CAMTA1: variants seen among roughly 807,000 people sequenced by gnomAD.
CAMTA1 encodes calmodulin-binding transcription activator 1.
CAMTA1 carries 27 observed loss-of-function variants against 170.9 expected under a neutral mutation model. The observed-to-expected ratio is 0.16, with a 90% CI of 0.12 to 0.22. The LOEUF is 0.22. Ranked by LOEUF, CAMTA1 falls within the 10% of genes least tolerant of loss-of-function variation. The pLI, the probability that CAMTA1 is intolerant of heterozygous loss-of-function variation, is 1.00. For missense variants in CAMTA1, 1,619 were observed against 2,217.2 expected (o/e 0.73, Z 5.42); for synonymous variants, 833 against 891.5 (o/e 0.93, Z 1.17).
At chr1:7,410,863 T>C (rs1251727198) in intron 5 of CAMTA1, among the ~76,000 whole-genome samples, 1 of 151,132 alleles carries the variant, frequency 6.6e-6, no homozygotes, top group Non-Finnish European at 1.5e-5. Context: ...ACTAAAGGGG[T>C]TGTGGGTTCC....
chr1:7,639,439 A>G (rs779484796), intron 6 of CAMTA1, among the ~76,000 whole-genome samples: 4 of 152,290 alleles, frequency 2.6e-5, no homozygotes, highest in African/African-American at 9.6e-5. Flanking sequence ...AGGAGTTTCC[A>G]GAGATTCTGG....
chr1:7,091,934 C>G (rs76149007), intron 4 of CAMTA1, among the ~76,000 whole-genome samples: 4,306 of 152,342 alleles, frequency 0.028, 80 homozygotes, highest in African/African-American at 0.046. Context: ...GAAAATATAG[C>G]TGACCTGCGT....
At chr1:7,245,346 A>G (rs560860627) in intron 4 of CAMTA1, among the ~76,000 whole-genome samples, 1 of 151,410 alleles carries the variant, frequency 6.6e-6, no homozygotes, top group Non-Finnish European at 1.5e-5. Context: ...AATATATATT[A>G]TACAGTTTTA....
chr1:7,537,974 C>T (rs147306048), intron 6 of CAMTA1, among the ~76,000 whole-genome samples: 6 of 152,318 alleles, frequency 3.9e-5, no homozygotes, highest in South Asian at 2.1e-4. Flanking sequence ...TGTCTGACGT[C>T]GTGGCTCTAG....
intron 6 of CAMTA1, among the ~76,000 whole-genome samples, chr1:7,604,991 A>C (rs2095474109): frequency 1.3e-5 from 2 of 152,120 alleles, no homozygotes; most frequent in South Asian, 4.2e-4. Flanking sequence ...GCCACAGAAC[A>C]GCGGATATTG....
intron 6 of CAMTA1, among the ~76,000 whole-genome samples, chr1:7,484,978 C>G (rs905342683): frequency 6.6e-6 from 1 of 152,118 alleles, no homozygotes; most frequent in African/African-American, 2.4e-5. Flanking sequence ...CATTCACAGC[C>G]AAAGACCTTG....
At chr1:7,270,204 CAT>C (rs1235967376) in intron 5 of CAMTA1, among the ~76,000 whole-genome samples, 8,813 of 133,044 alleles carry the variant, frequency 0.066, 561 homozygotes, top group African/African-American at 0.16. Flanking sequence ...TATATATACA[CAT>C]ATATATACAT....
intron 4 of CAMTA1, among the ~76,000 whole-genome samples, chr1:7,119,367 A>G (rs992613903): frequency 1.3e-5 from 2 of 152,142 alleles, no homozygotes; most frequent in Admixed American, 6.5e-5. Flanking sequence ...TGTATTAAAC[A>G]TGAGAGACAC....
At position 7,674,553 on chromosome 1, in the gene CAMTA1, C is replaced by T. The variant is rs1235733514; in HGVS notation, c.2780-3046C>T. On this transcript the variant is annotated intron_variant, in intron 10 of 22. Transcript: ENST00000303635. This position sits in a 1 kb window ranked among gnomAD's most constrained non-coding sequence, Gnocchi z 4.1. ...TAGCATGTTGGGAGGCCGAGGCGGG[C>T]GGATCACTTGAAGTCAGGAGTTCGA... Among the ~76,000 whole-genome samples, 9 of 152,230 alleles carry T rather than the reference C, an allele frequency of 5.9e-5. No individual in the cohort carries two copies. The South Asian group carries it at 8.3e-4, about 14-fold the overall frequency.
chr1:7,730,898 CAA>C (rs1315538962), intron 11 of CAMTA1, among the ~76,000 whole-genome samples: 5 of 143,848 alleles, frequency 3.5e-5, no homozygotes, highest in African/African-American at 1.3e-4. Flanking sequence ...GATTCCATCT[CAA>C]AGTCTCAATC....
chr1:7,729,112 ATCTTTTTTTT>A (rs2096713049), intron 11 of CAMTA1, among the ~76,000 whole-genome samples: 1 of 146,198 alleles, frequency 6.8e-6, no homozygotes, highest in Non-Finnish European at 1.5e-5. Context: ...AATATGAGGA[ATCTTTTTTTT>A]TCTTTTTTTT....
At chr1:7,536,372 C>T (rs889390916) in intron 6 of CAMTA1, among the ~76,000 whole-genome samples, 3 of 152,204 alleles carry the variant, frequency 2.0e-5, no homozygotes, top group Admixed American at 6.5e-5. Context: ...AATCAAAGGA[C>T]GGGGAGGAGG....
intron 3 of CAMTA1, among the ~76,000 whole-genome samples, chr1:7,084,362 G>C (rs1640437251): frequency 6.6e-6 from 1 of 152,182 alleles, no homozygotes; most frequent in African/African-American, 2.4e-5. Context: ...AGCTGTGGGA[G>C]GGGAGGCTGA....
intron 3 of CAMTA1, among the ~76,000 whole-genome samples, chr1:6,848,756 G>A (rs1244828884): frequency 6.6e-6 from 1 of 152,116 alleles, no homozygotes; most frequent in East Asian, 1.9e-4. Flanking sequence ...CAAGAGAAAA[G>A]GTAGATTTTA....
At chr1:6,877,592 T>C (rs1453824276) in intron 3 of CAMTA1, among the ~76,000 whole-genome samples, 1 of 152,216 alleles carries the variant, frequency 6.6e-6, no homozygotes, top group East Asian at 1.9e-4. Context: ...CATCACGCTG[T>C]GTGATGCTCC....
chr1:6,793,992 A>G (rs533032744), intron 1 of CAMTA1, among the ~76,000 whole-genome samples: 4 of 149,686 alleles, frequency 2.7e-5, no homozygotes, highest in African/African-American at 9.8e-5. Context: ...TATCAGATAG[A>G]AAGAAAAAAG....
chr1:6,868,324 C>T (rs927535514), intron 3 of CAMTA1, among the ~76,000 whole-genome samples: 12 of 126,134 alleles, frequency 9.5e-5, no homozygotes, highest in African/African-American at 3.5e-4. Context: ...TTTTTAAAAA[C>T]AAAACAAAAC....
In CAMTA1 at chr1:7,736,025, T is replaced by C. The variant is rs1038764195; in HGVS notation, c.3067-319T>C. 6.6e-6 allele frequency among the ~76,000 whole-genome samples: 1 copy of C among 152,136 alleles called. No homozygotes were observed. The highest frequency in any genetic ancestry group is 1.5e-5 in the Non-Finnish European group (1 of 68,012). Reference sequence around the variant, plus strand: ...CCTGACCACAAGAGATCTGCCCGCCTCAGCCTCCCAAAGTGCTGGGATTTC... The same window carrying C: ...CCTGACCACAAGAGATCTGCCCGCCCCAGCCTCCCAAAGTGCTGGGATTTC... On this transcript the variant is annotated intron_variant, in intron 12 of 22. Transcript: ENST00000303635. This position sits in a 1 kb window ranked among gnomAD's most constrained non-coding sequence, Gnocchi z 4.5.
Position 7,438,982 on chromosome 1 carries a change from T to C in CAMTA1, c.439-28848T>C, listed in dbSNP as rs569501036. 9.9e-4 allele frequency among the ~76,000 whole-genome samples: 151 copies of C among 152,284 alleles called. 1 individual carries two copies. The highest frequency in any genetic ancestry group is 3.5e-3 in the African/African-American group (145 of 41,562). ...CACAGAGAGGTGTCACGGAGCCGCC[T>C]CTCATCACACCAGGGCCAGAGTGAG... On this transcript the variant is annotated intron_variant, in intron 5 of 22. Transcript: ENST00000303635.
Sources: gnomAD v4.1 joint callset for allele counts (sites outside exome capture counted in the v4.1 genomes callset) on GRCh38, gnomAD v4.1.1 for gene constraint, Gnocchi (gnomAD v3.1) non-coding constraint, MANE v1.5 for transcripts, NCBI Gene and HGNC (gene_info 2026-07-23, HGNC 2026-07-21) for gene names.